The following EPB41L4A variants were observed in gnomAD, a reference collection of about 807,000 sequenced individuals.
EPB41L4A encodes the protein erythrocyte membrane protein band 4.1 like 4A.
In EPB41L4A, 100 loss-of-function variants were observed where a neutral mutation model predicts 108.6. The observed-to-expected ratio is 0.92, with a 90% CI of 0.78 to 1.09. EPB41L4A has a LOEUF of 1.09. Ranked by LOEUF, EPB41L4A falls within the 50% of genes least tolerant of loss-of-function variation. The pLI, the probability that EPB41L4A is intolerant of heterozygous loss-of-function variation, is 0.00. For missense variants in EPB41L4A, 1,030 were observed against 842.7 expected, an observed-to-expected ratio of 1.22 and a Z score of -2.75; for synonymous variants, 319 against 289.0, an observed-to-expected ratio of 1.10 and a Z score of -1.05.
At position 112,313,858 on chromosome 5, in the gene EPB41L4A, C is replaced by CTTTTTTTTT. The variant is rs1188991050; in HGVS notation, c.100-6377_100-6369dup. Among the ~76,000 whole-genome samples, 35 of 89,470 alleles carry CTTTTTTTTT rather than the reference C, an allele frequency of 3.9e-4. 1 individual carries two copies. The highest frequency in any genetic ancestry group is 1.4e-3 in the African/African-American group (31 of 21,830). The allele number at this position is 89,470 out of a possible 152,430, so 58.7% of individuals were successfully genotyped here. ...AACCGCTCCAAAAAAAGGTAACTTT[C>CTTTTTTTTT]TTTTTTTTTTTTTTTTTTTTTTTGA... On this transcript the variant is annotated intron_variant, in intron 1 of 22. Coordinates refer to ENST00000261486, the MANE Select transcript of EPB41L4A (RefSeq NM_022140.5).
At chr5:112,327,505 A>G (rs913856074) in intron 1 of EPB41L4A, among the ~76,000 whole-genome samples, 1 of 152,012 alleles carries the variant, frequency 6.6e-6, no homozygotes, top group Admixed American at 6.6e-5. Flanking sequence ...CACTTGAGGC[A>G]AGGAGTTCAA....
chr5:112,161,762 A>C (rs1206933978), downstream of EPB41L4A: 1 of 402,884 alleles, frequency 2.5e-6, no homozygotes, highest in Admixed American at 3.1e-5. Flanking sequence ...TGGGAGCATA[A>C]AGGTGACCTG....
chr5:112,220,213 C>T lies in EPB41L4A; in HGVS notation c.1088-10231G>A, dbSNP rs142008622. 8.5e-4 allele frequency among the ~76,000 whole-genome samples: 129 copies of T among 152,246 alleles called. 1 individual carries two copies. The highest frequency in any genetic ancestry group is 1.6e-3 in the Non-Finnish European group (108 of 68,028). Reference sequence around the variant, plus strand: ...TGTTATAAAGACATCACCACTGAGTCAAAGAACTTCTAAGGAGTTAGATAT... The same window carrying T: ...TGTTATAAAGACATCACCACTGAGTTAAAGAACTTCTAAGGAGTTAGATAT... On this transcript the variant is annotated intron_variant, in intron 12 of 22. Coordinates refer to ENST00000261486, the MANE Select transcript of EPB41L4A (RefSeq NM_022140.5).
chr5:112,302,795 C>T (rs551004663), intron 2 of EPB41L4A, among the ~76,000 whole-genome samples: 3 of 152,110 alleles, frequency 2.0e-5, no homozygotes, highest in Non-Finnish European at 4.4e-5. Context: ...GGAACAGTTA[C>T]CAAGGAAAAG....
At position 112,289,596 on chromosome 5, in the gene EPB41L4A, C is replaced by G. The variant is rs75351473; in HGVS notation, c.205-9273G>C. Among the ~76,000 whole-genome samples, 53 of 152,340 alleles carry G rather than the reference C, an allele frequency of 3.5e-4. No individual in the cohort carries two copies. The East Asian group carries it at 9.8e-3, about 28-fold the overall frequency. On this transcript the variant is annotated intron_variant, in intron 2 of 22. Coordinates refer to ENST00000261486, the MANE Select transcript of EPB41L4A (RefSeq NM_022140.5). Reference sequence around the variant, plus strand: ...TGCTCCTTCTGGTATCCTTCCCTCCCTTTGCCCTCTGGATGTTTTCCCTTG... The same window carrying G: ...TGCTCCTTCTGGTATCCTTCCCTCCGTTTGCCCTCTGGATGTTTTCCCTTG...
chr5:112,227,970 A>G (rs1434649380), intron 12 of EPB41L4A, among the ~76,000 whole-genome samples: 1 of 152,176 alleles, frequency 6.6e-6, no homozygotes, highest in African/African-American at 2.4e-5. Context: ...GAGTTGGCCC[A>G]CTGACCTACT....
intron 1 of EPB41L4A, among the ~76,000 whole-genome samples, chr5:112,411,286 G>A (rs1255012108): frequency 6.6e-6 from 1 of 152,114 alleles, no homozygotes; most frequent in Non-Finnish European, 1.5e-5. Context: ...GAGGCAATGT[G>A]AGTAGATGCA....
intron 2 of EPB41L4A, among the ~76,000 whole-genome samples, chr5:112,290,275 C>T (rs773402117): frequency 1.5e-4 from 23 of 152,114 alleles, no homozygotes; most frequent in Non-Finnish European, 2.6e-4. Flanking sequence ...TGAAAATACA[C>T]TGGATTCTAG....
chr5:112,198,996 C>G (rs562068892), intron 15 of EPB41L4A, among the ~76,000 whole-genome samples: 2 of 152,278 alleles, frequency 1.3e-5, no homozygotes, highest in South Asian at 4.1e-4. Context: ...GTTCATGGCT[C>G]TCTCTTCCTA....
At chr5:112,386,044 A>T (rs1561630833) in intron 1 of EPB41L4A, among the ~76,000 whole-genome samples, 1 of 152,258 alleles carries the variant, frequency 6.6e-6, no homozygotes. Flanking sequence ...TACTTTAAAA[A>T]TTAAGCCCTA....
chr5:112,154,175 G>A (rs1161193537), intron 12 of EPB41L4A, among the ~76,000 whole-genome samples: 1 of 152,160 alleles, frequency 6.6e-6, no homozygotes, highest in Non-Finnish European at 1.5e-5. Flanking sequence ...AATCCCCAGA[G>A]ACAAGTGGAT....
chr5:112,365,804 G>C (rs1287483406), intron 1 of EPB41L4A, among the ~76,000 whole-genome samples: 1 of 152,160 alleles, frequency 6.6e-6, no homozygotes, highest in African/African-American at 2.4e-5. Context: ...TGATGGTTTT[G>C]AGAAGTACTG....
At chr5:112,398,376 T>G (rs956248081) in intron 1 of EPB41L4A, among the ~76,000 whole-genome samples, 5 of 152,062 alleles carry the variant, frequency 3.3e-5, no homozygotes, top group African/African-American at 1.2e-4. Context: ...TTCTTTAGAA[T>G]GTGGGGTTTT....
chr5:112,189,384 G>GATTCACAGGATAA (rs919957668), intron 17 of EPB41L4A, among the ~76,000 whole-genome samples: 2 of 152,134 alleles, frequency 1.3e-5, no homozygotes, highest in African/African-American at 4.8e-5. Flanking sequence ...GAGAAATGAA[G>GATTCACAGGATAA]ATTCACAGGA....
intron 2 of EPB41L4A, among the ~76,000 whole-genome samples, chr5:112,304,112 G>A (rs1460658328): frequency 1.3e-5 from 2 of 152,090 alleles, no homozygotes; most frequent in African/African-American, 4.8e-5. Flanking sequence ...TCTTAGCAAG[G>A]GAAAAACAGA....
chr5:112,382,149 T>C (rs1380674664), intron 1 of EPB41L4A, among the ~76,000 whole-genome samples: 2 of 152,220 alleles, frequency 1.3e-5, no homozygotes, highest in African/African-American at 4.8e-5. Flanking sequence ...GCTTTTAAAA[T>C]TCTTGATAAA....
intron 21 of EPB41L4A, 34 bp downstream of exon 21, chr5:112,168,961 G>C: frequency 6.5e-7 from 1 of 1,540,442 alleles, no homozygotes; most frequent in Non-Finnish European, 9.0e-7. Flanking sequence ...TTGGAGCCAT[G>C]ATGGTGATGG....
intron 13 of EPB41L4A, among the ~76,000 whole-genome samples, chr5:112,207,956 A>G (rs182058612): frequency 6.6e-6 from 1 of 152,290 alleles, no homozygotes; most frequent in East Asian, 1.9e-4. Context: ...TTCTACAAAA[A>G]AAGACATATG....
chr5:112,398,918 G>T (rs892005766), intron 1 of EPB41L4A, among the ~76,000 whole-genome samples: 11 of 146,462 alleles, frequency 7.5e-5, no homozygotes, highest in African/African-American at 2.9e-4. Flanking sequence ...AAGCTAAGGG[G>T]AGTCTATCCT....
Sources: allele counts gnomAD v4.1 joint callset (sites outside exome capture counted in the v4.1 genomes callset), GRCh38; gene constraint gnomAD v4.1.1; transcripts MANE v1.5; gene names NCBI Gene and HGNC (gene_info 2026-07-23, HGNC 2026-07-21).